SGCD: variants seen among roughly 807,000 people sequenced by gnomAD.
The protein encoded by SGCD is sarcoglycan delta.
SGCD carries 18 observed loss-of-function variants against 36.6 expected under a neutral mutation model. The ratio of observed to expected loss-of-function variants is 0.49; its 90% CI spans 0.34 to 0.73. SGCD has a LOEUF of 0.73. Among genes scored for constraint, SGCD ranks in the 30% least tolerant of loss-of-function variants. The probability of loss-of-function intolerance (pLI) is 0.01; values close to 1 mark genes in which losing one functional copy is unlikely to be tolerated. For synonymous variants in SGCD, 133 were observed against 130.6 expected (o/e 1.02, Z -0.12); for missense variants, 387 against 346.7 (o/e 1.12, Z -0.92).
chr5:156,656,483 T>G (rs528821618), intron 7 of SGCD, among the ~76,000 whole-genome samples: 12 of 152,232 alleles, frequency 7.9e-5, no homozygotes, highest in East Asian at 3.9e-4. Context: ...GGTCTTATAA[T>G]TCAAAAGGAA....
chr5:155,779,817 G>A, the SGCD span, among the ~76,000 whole-genome samples: 2 of 152,104 alleles, frequency 1.3e-5, no homozygotes, highest in Non-Finnish European at 2.9e-5. Context: ...TTGGTATGAT[G>A]TGATTTTTCA....
intron 4 of SGCD, among the ~76,000 whole-genome samples, chr5:156,537,151 T>C (rs1758149086): frequency 6.6e-6 from 1 of 152,174 alleles, no homozygotes; most frequent in Non-Finnish European, 1.5e-5. Context: ...TTCCCCATTA[T>C]TCTACTCCAT....
intron 4 of SGCD, among the ~76,000 whole-genome samples, chr5:156,521,282 C>A (rs971753301): frequency 6.6e-6 from 1 of 152,096 alleles, no homozygotes; most frequent in Admixed American, 6.6e-5. Context: ...CCATTCAGGA[C>A]GTAGGCATGG....
chr5:155,731,265 G>C, the SGCD span, among the ~76,000 whole-genome samples: 4 of 151,682 alleles, frequency 2.6e-5, no homozygotes, highest in Admixed American at 2.0e-4. Context: ...AAGAGTGGCA[G>C]AGAGAAAGGG....
the SGCD span, among the ~76,000 whole-genome samples, chr5:155,836,217 A>G: frequency 1.3e-5 from 2 of 152,134 alleles, no homozygotes; most frequent in South Asian, 2.1e-4. Flanking sequence ...GGGTCTGTCC[A>G]CCATTGAATT....
intron 7 of SGCD, among the ~76,000 whole-genome samples, chr5:156,739,079 A>C (rs1269659985): frequency 1.3e-5 from 2 of 152,240 alleles, no homozygotes; most frequent in African/African-American, 4.8e-5. Context: ...AGGGGGAAAC[A>C]TCTAAAAGGT....
intron 3 of SGCD, among the ~76,000 whole-genome samples, chr5:156,409,973 T>C (rs572787317): frequency 1.8e-4 from 28 of 152,312 alleles, no homozygotes; most frequent in African/African-American, 6.7e-4. Flanking sequence ...GTTGGGAAGA[T>C]GTATGAAGTA....
At chr5:156,220,484 G>C (rs1218356513) in intron 3 of SGCD, among the ~76,000 whole-genome samples, 1 of 152,136 alleles carries the variant, frequency 6.6e-6, no homozygotes, top group South Asian at 2.1e-4. Context: ...ATACCATATT[G>C]TGTCTTAAAA....
chr5:156,306,368 A>T (rs1242487893), intron 3 of SGCD, among the ~76,000 whole-genome samples: 4 of 152,158 alleles, frequency 2.6e-5, no homozygotes, highest in Non-Finnish European at 5.9e-5. Context: ...GCTTGTTGCC[A>T]TCCATGTATG....
At chr5:156,552,436 C>G (rs1367361994) in intron 4 of SGCD, among the ~76,000 whole-genome samples, 1 of 152,168 alleles carries the variant, frequency 6.6e-6, no homozygotes, top group African/African-American at 2.4e-5. Flanking sequence ...GTTTGCCATC[C>G]CTTCCCTAGT....
intron 1 of SGCD, among the ~76,000 whole-genome samples, chr5:155,971,603 C>T (rs1017853200): frequency 6.6e-6 from 1 of 152,050 alleles, no homozygotes; most frequent in Non-Finnish European, 1.5e-5. Flanking sequence ...CCAGAGACCA[C>T]AAACCTGCCT....
chr5:155,969,436 AAAAT>A lies in SGCD; in HGVS notation c.-282+99024_-282+99027del, dbSNP rs370597849. On this transcript the variant is annotated intron_variant, in intron 1 of 9. Transcript: ENST00000517913. ...GATGTGAGAGAACTGCACACATTAA[AAAAT>A]AAATAAATAAAAGAATTCATAGCAA... Among the ~76,000 whole-genome samples, 361 of 152,262 alleles carry A rather than the reference AAAAT, an allele frequency of 2.4e-3. 1 individual carries two copies. The highest frequency in any genetic ancestry group is 8.1e-3 in the African/African-American group (338 of 41,570).
chr5:155,949,904 G>C (rs1172042988), intron 1 of SGCD, among the ~76,000 whole-genome samples: 1 of 152,246 alleles, frequency 6.6e-6, no homozygotes, highest in Admixed American at 6.5e-5. Context: ...TTCTAATTTG[G>C]AAGCATGTCC....
chr5:156,344,039 A>C (rs1011665728), intron 2 of SGCD, among the ~76,000 whole-genome samples: 1 of 146,926 alleles, frequency 6.8e-6, no homozygotes, highest in African/African-American at 2.6e-5. Context: ...TAGTGTTCAA[A>C]ATTTTTTAAC....
At chr5:156,401,322 G>T (rs1399365359) in intron 3 of SGCD, among the ~76,000 whole-genome samples, 1 of 152,158 alleles carries the variant, frequency 6.6e-6, no homozygotes, top group Admixed American at 6.5e-5. Flanking sequence ...AACAATTATT[G>T]GATAGTAAAA....
intron 3 of SGCD, among the ~76,000 whole-genome samples, chr5:156,193,269 T>C (rs187615560): frequency 6.6e-6 from 1 of 152,302 alleles, no homozygotes; most frequent in East Asian, 1.9e-4. Flanking sequence ...CCCTGCTTAC[T>C]CTCCTCTTGA....
At chr5:156,337,253 A>G (rs1395920670) in intron 2 of SGCD, among the ~76,000 whole-genome samples, 1 of 152,232 alleles carries the variant, frequency 6.6e-6, no homozygotes, top group Non-Finnish European at 1.5e-5. Context: ...TCCTATTTAT[A>G]TAAACTGGTT....
upstream of SGCD, among the ~76,000 whole-genome samples, chr5:156,325,976 C>T (rs1767800015): frequency 6.6e-6 from 1 of 152,334 alleles, no homozygotes; most frequent in African/African-American, 2.4e-5. Context: ...GAACATACAA[C>T]ACTTAAAATC....
rs571973709 is a variant in SGCD, at chr5:156,238,647, A to G, written c.-43-90887A>G. On this transcript the variant is annotated intron_variant, in intron 3 of 9. Transcript: ENST00000517913. ...AAATTTGAATAGCCACATGTGGCTG[A>G]TAATGACTGTATTGGAAAGCACATT... is the stretch of plus-strand genomic sequence containing the variant. Among the ~76,000 whole-genome samples the G allele has an allele frequency of 3.3e-5, 5 of 152,338 alleles. No homozygotes were observed. In the South Asian group the frequency reaches 1.0e-3, roughly 32 times the overall value.
Sources: gnomAD v4.1 joint callset for allele counts (sites outside exome capture counted in the v4.1 genomes callset) on GRCh38, gnomAD v4.1.1 for gene constraint, MANE v1.5 for transcripts, NCBI Gene and HGNC (gene_info 2026-07-23, HGNC 2026-07-21) for gene names.